The following DNAH12 variants were observed in gnomAD, a reference collection of about 807,000 sequenced individuals.
DNAH12 encodes the protein axonemal beta dynein heavy chain 12.
A neutral mutation model predicts 371.5 loss-of-function variants in DNAH12; 285 were observed. That is an observed-to-expected ratio of 0.77 (90% CI 0.70 to 0.85). DNAH12 has a LOEUF of 0.85. DNAH12 is among the 40% of genes least tolerant of loss of function. DNAH12 has a pLI of 0.00. For missense variants in DNAH12, 3,611 were observed against 3,689.4 expected (o/e 0.98, Z 0.55); for synonymous variants, 1,200 against 1,213.0 (o/e 0.99, Z 0.22).
chr3:57,533,530 T>C (rs1435729646), intron 2 of DNAH12, among the ~76,000 whole-genome samples: 3 of 152,076 alleles, frequency 2.0e-5, no homozygotes, highest in Non-Finnish European at 4.4e-5. Flanking sequence ...TTGCTGATAG[T>C]TATTCAAGGC....
chr3:57,457,584 T>C, intron 22 of DNAH12, 137 bp downstream of exon 22: 1 of 959,142 alleles, frequency 1.0e-6, no homozygotes, highest in Non-Finnish European at 1.5e-6. Flanking sequence ...ATATTAATAA[T>C]GTTAGAAACA....
At chr3:57,369,088 TG>T (rs1440588147) in intron 55 of DNAH12, among the ~76,000 whole-genome samples, 1 of 151,110 alleles carries the variant, frequency 6.6e-6, no homozygotes, top group African/African-American at 2.4e-5. Flanking sequence ...GGCGCAGTGG[TG>T]GGTGCCTGTA....
rs542273783 is a variant in DNAH12 at position 57,429,352 on chromosome 3, T to G, written c.5064+339A>C. ...CCACCATGCCTGGCTAATTGTGTAT[T>G]TTTAGTAGAGATGGGGTTTCTCCAT... On this transcript the variant is annotated intron_variant, in intron 33 of 73. Transcript: ENST00000495027. Among the ~76,000 whole-genome samples, 468 of 152,180 alleles carry G rather than the reference T, an allele frequency of 3.1e-3. 3 individuals are homozygous for G. Among genetic ancestry groups the G allele is most frequent in the African/African-American group, 0.01 (434 of 41,528 alleles).
rs1300176356 is a variant in DNAH12 at position 57,293,838 on chromosome 3, T to C, written c.11826A>G (p.Gln3942=). ...CGCGCTTGATCCAGTGCCGAGTAGGTTGGTCTGTTTTTAACAACATTGCAA... is the reference window on the plus strand; with the variant it reads ...CGCGCTTGATCCAGTGCCGAGTAGGCTGGTCTGTTTTTAACAACATTGCAA... ...FVIAMLLKTD[Q]PTRHWIKRGV... Residue 3942 remains glutamine (Q), a synonymous_variant, in exon 74 of 74, where the codon CAA becomes CAG. Coordinates refer to ENST00000495027, the MANE Select transcript of DNAH12 (RefSeq NM_001366028.2). The C allele has an allele frequency of 1.9e-6, 3 of 1,551,248 alleles. No individual in the cohort carries two copies. The highest frequency in any genetic ancestry group is 2.4e-5 in the South Asian group (2 of 83,962).
chr3:57,515,142 A>G (rs1278274499), intron 4 of DNAH12, among the ~76,000 whole-genome samples: 1 of 152,094 alleles, frequency 6.6e-6, no homozygotes, highest in African/African-American at 2.4e-5. Context: ...AGAGAGAGAG[A>G]GAAATAATTA....
chr3:57,495,305 T>A (rs1163634476), intron 11 of DNAH12, among the ~76,000 whole-genome samples: 6 of 151,804 alleles, frequency 4.0e-5, no homozygotes, highest in Admixed American at 1.3e-4. Flanking sequence ...ACGCCTGTAA[T>A]CCTAGCATTT....
At chr3:57,445,146 T>G in intron 28 of DNAH12, 28 bp downstream of exon 28, 1 of 1,494,290 alleles carries the variant, frequency 6.7e-7, no homozygotes, top group Non-Finnish European at 8.9e-7. Flanking sequence ...CTACTGAAAC[T>G]TTCCCAATGT....
rs2063091504 is a variant in DNAH12, at chr3:57,368,139, T to C, written c.8881A>G (p.Ile2961Val). The part of the protein sequence containing the change: ...SDYMRTLENC[I>V]QFGTPLLLEN... ...AATAGAAGTGGAGTTCCAAACTGAA[T>C]ACAGTTTTCCAATGTTCTCATATAG... Residue 2961 changes from isoleucine (I) to valine (V), a missense_variant, in exon 56 of 74, where the codon ATT (isoleucine) becomes GTT (valine). Physicochemically the swap from Ile to Val is conservative, Grantham distance 29 (BLOSUM62 3). This residue lies in a region of DNAH12 where 2,266 missense variants were observed against 2,236.9 expected (regional missense o/e 1.01). Coordinates refer to ENST00000495027, the MANE Select transcript of DNAH12 (RefSeq NM_001366028.2). The C allele has an allele frequency of 6.6e-6, 1 of 152,238 alleles. No individual in the cohort carries two copies. The highest frequency in any genetic ancestry group is 1.5e-5 in the Non-Finnish European group (1 of 68,044). 9.4% of individuals were successfully genotyped at this position (152,238 alleles called of 1,614,324 possible). A position where few individuals can be genotyped will look rare whatever the true frequency, so the allele number is the denominator to read the frequency against.
At chr3:57,481,944 G>A (rs183987824) in intron 13 of DNAH12, among the ~76,000 whole-genome samples, 115 of 152,254 alleles carry the variant, frequency 7.6e-4, no homozygotes, top group African/African-American at 2.6e-3. Context: ...AGACTTAAAT[G>A]TTAGACCTAA....
At chr3:57,472,509 T>A (rs777393858) in intron 14 of DNAH12, 37 bp downstream of exon 14, 80 of 1,525,814 alleles carry the variant, frequency 5.2e-5, no homozygotes, top group Middle Eastern at 1.7e-4. Context: ...GCTTGAAATG[T>A]CAGATTACAA....
intron 10 of DNAH12, 142 bp downstream of exon 10, chr3:57,502,181 G>C: frequency 9.0e-7 from 1 of 1,106,202 alleles, no homozygotes; most frequent in Non-Finnish European, 1.3e-6. Flanking sequence ...TTGGATTCTT[G>C]ACTCTGCCAA....
intron 42 of DNAH12, 69 bp from the exon 43 acceptor site, chr3:57,403,570 TTGTTTC>T: frequency 1.5e-6 from 2 of 1,362,174 alleles, no homozygotes; most frequent in Non-Finnish European, 2.0e-6. Flanking sequence ...CATGTAACTA[TTGTTTC>T]ACTTTCCTAG....
rs1377411489 is a variant in DNAH12 at position 57,444,748 on chromosome 3, T to C, written c.4494A>G (p.Gly1498=). Residue 1498 remains glycine (G), a synonymous_variant, in exon 29 of 74, where the codon GGA becomes GGG. Transcript: ENST00000495027. ...FLSHDIPLFN[G]ITSDLFPGIK... ...TACCAGGAAATAAGTCACTAGTTAT[T>C]CCATTAAATAAAGGTATATCATGTG... 5 of 1,550,346 alleles carry C rather than the reference T, an allele frequency of 3.2e-6. No homozygotes were observed. Among genetic ancestry groups the C allele is most frequent in the Non-Finnish European group, 4.4e-6 (5 of 1,146,444 alleles).
chr3:57,399,713 C>A (rs2063817054), intron 43 of DNAH12, among the ~76,000 whole-genome samples: 1 of 152,156 alleles, frequency 6.6e-6, no homozygotes, highest in African/African-American at 2.4e-5. Context: ...GACAGCAAGA[C>A]CAACTCACTC....
intron 35 of DNAH12, among the ~76,000 whole-genome samples, chr3:57,421,964 T>C (rs1241067073): frequency 2.8e-5 from 4 of 143,416 alleles, no homozygotes; most frequent in Middle Eastern, 3.3e-3. Flanking sequence ...TGGAGTACAG[T>C]GGCACCATCT....
upstream of DNAH12, chr3:57,548,831 C>A (rs973575890): frequency 3.3e-5 from 5 of 152,148 alleles, no homozygotes; most frequent in Non-Finnish European, 1.5e-5. Context: ...AAAGATTTTA[C>A]AAAGCAGTGC....
chr3:57,427,894 G>T (rs1008323490), intron 34 of DNAH12, among the ~76,000 whole-genome samples: 2 of 151,842 alleles, frequency 1.3e-5, no homozygotes, highest in African/African-American at 4.8e-5. Context: ...AACTGTGAGA[G>T]AATCAATTTC....
chr3:57,544,452 G>A (rs2153404608), upstream of DNAH12: 1 of 152,298 alleles, frequency 6.6e-6, no homozygotes, highest in South Asian at 2.1e-4. Flanking sequence ...AGCTGCAAGG[G>A]GTTAGGATTA....
chr3:57,318,150 G>C (rs2061726995), intron 65 of DNAH12, among the ~76,000 whole-genome samples: 1 of 151,992 alleles, frequency 6.6e-6, no homozygotes, highest in African/African-American at 2.4e-5. Context: ...TTCCTTTGCT[G>C]TGCAGAAGCT....
Sources: gnomAD v4.1 joint callset for allele counts (sites outside exome capture counted in the v4.1 genomes callset) on GRCh38, gnomAD v4.1.1 for gene constraint, gnomAD v4.1.1 regional missense constraint, MANE v1.5 for transcripts, NCBI Gene and HGNC (gene_info 2026-07-23, HGNC 2026-07-21) for gene names.